The following SERTM1 variants were observed in gnomAD, a reference collection of about 807,000 sequenced individuals.
The protein encoded by SERTM1 is serine rich and transmembrane domain containing 1, also known as serine-rich and transmembrane domain-containing protein 1.
In SERTM1, 1 loss-of-function variant was observed where a neutral mutation model predicts 5.5. The ratio of observed to expected loss-of-function variants is 0.18; its 90% CI spans 0.06 to 0.86. SERTM1 has a LOEUF of 0.86. Ranked by LOEUF, SERTM1 falls within the 40% of genes least tolerant of loss-of-function variation. SERTM1 has a pLI of 0.69. For missense variants in SERTM1, 91 were observed against 122.4 expected (o/e 0.74, Z 1.21); for synonymous variants, 52 against 55.1 (o/e 0.94, Z 0.25).
chr13:36,689,410 C>T (rs1344775601), intron 1 of SERTM1, among the ~76,000 whole-genome samples: 2 of 151,416 alleles, frequency 1.3e-5, no homozygotes, highest in Non-Finnish European at 2.9e-5. Flanking sequence ...GAGGCTGAGG[C>T]GGGAGCATTG....
At chr13:36,679,253 C>T (rs1411450542) in intron 1 of SERTM1, among the ~76,000 whole-genome samples, 2 of 152,202 alleles carry the variant, frequency 1.3e-5, no homozygotes, top group Non-Finnish European at 2.9e-5. Context: ...TGCCACAGTG[C>T]ACAGTACCCT....
intron 1 of SERTM1, among the ~76,000 whole-genome samples, chr13:36,682,756 G>A (rs2056713530): frequency 6.6e-6 from 1 of 152,066 alleles, no homozygotes; most frequent in South Asian, 2.1e-4. Flanking sequence ...CACTGTAGCT[G>A]GCAACTATAC....
At chr13:36,678,435 T>A (rs982430043) in intron 1 of SERTM1, among the ~76,000 whole-genome samples, 1 of 151,764 alleles carries the variant, frequency 6.6e-6, no homozygotes, top group Admixed American at 6.6e-5. Context: ...TAGTCATAGA[T>A]GTTCAGCATC....
Position 36,695,217 on chromosome 13 carries a change from A to G in SERTM1, c.139A>G (p.Ile47Val). Reference sequence around the variant, plus strand: ...GTCAAACGTCTACATCTATGTGTCCATATTCCTCAGCCTTTTAGCGTTTCT... The same window carrying G: ...GTCAAACGTCTACATCTATGTGTCCGTATTCCTCAGCCTTTTAGCGTTTCT... ...HLSNVYIYVS[I>V]FLSLLAFLLL... Residue 47 changes from isoleucine (I) to valine (V), a missense_variant, in exon 2 of 2, where the codon ATA (isoleucine) becomes GTA (valine). Coordinates refer to ENST00000315190, the MANE Select transcript of SERTM1 (RefSeq NM_203451.3). The G allele has an allele frequency of 1.9e-6, 3 of 1,614,216 alleles. No individual in the cohort carries two copies.
At chr13:36,683,805 C>T (rs1035758740) in intron 1 of SERTM1, among the ~76,000 whole-genome samples, 19 of 152,136 alleles carry the variant, frequency 1.2e-4, no homozygotes, top group Admixed American at 1.1e-3. Context: ...TGAAATCCTA[C>T]GACAGGCCTA....
At chr13:36,690,963 T>C (rs569275773) in intron 1 of SERTM1, among the ~76,000 whole-genome samples, 75 of 152,230 alleles carry the variant, frequency 4.9e-4, no homozygotes, top group Non-Finnish European at 1.1e-3. Context: ...CAAAGCAGCT[T>C]GTCCCAGTTT....
intron 1 of SERTM1, among the ~76,000 whole-genome samples, 189 bp from the exon 2 acceptor site, chr13:36,694,717 A>G (rs1292353290): frequency 6.6e-6 from 1 of 152,244 alleles, no homozygotes; most frequent in Non-Finnish European, 1.5e-5. Context: ...GTAGACAGAA[A>G]ATAAACGTTC....
chr13:36,697,805 T>A lies in SERTM1; in HGVS notation c.*2403T>A, dbSNP rs1005737185. The A allele has an allele frequency of 1.2e-5, 2 of 167,060 alleles. No individual in the cohort carries two copies. The highest frequency in any genetic ancestry group is 4.8e-5 in the African/African-American group (2 of 41,442). The allele number at this position is 167,060 out of a possible 1,614,324, so 10.3% of individuals were successfully genotyped here. ...TAAGAAGTTCAGAAAGGTTGGAAGA[T>A]GGGTTTATAAATAAAGAAGTGGAGT... On this transcript the variant is annotated 3_prime_UTR_variant, in exon 2 of 2. Transcript: ENST00000315190.
chr13:36,695,084 T>C lies in SERTM1; in HGVS notation c.6T>C (p.Ser2=), dbSNP rs1025734977. 5.0e-6 allele frequency: 8 copies of C among 1,612,744 alleles called. No individual in the cohort carries two copies. Among genetic ancestry groups the C allele is most frequent in the Admixed American group, 1.7e-5 (1 of 59,878 alleles). The change falls in exon 2 of 2, where the codon TCT becomes TCC. Residue 2 remains serine, a synonymous_variant. Transcript: ENST00000315190. M[S]EPDTSSGFSG... is the part of the protein sequence containing the mutation. ...CTCCTTCACCCTCCATAAAGATGTC[T>C]GAACCTGACACTTCCTCAGGATTTT...
At chr13:36,694,649 G>A (rs1353760585) in intron 1 of SERTM1, among the ~76,000 whole-genome samples, 1 of 152,190 alleles carries the variant, frequency 6.6e-6, no homozygotes, top group Non-Finnish European at 1.5e-5. Flanking sequence ...CATCATAAAT[G>A]TATTTTCCCT....
rs1308222502 is a variant in SERTM1 at position 36,697,649 on chromosome 13, G to A, written c.*2247G>A. ...ACAAGCACACTCCCATTCCTCCCCT[G>A]CCGCAATGGTTCTTGCTCTCAATGT... On this transcript the variant is annotated 3_prime_UTR_variant, in exon 2 of 2. Coordinates refer to ENST00000315190, the MANE Select transcript of SERTM1 (RefSeq NM_203451.3). 6.0e-6 allele frequency: 1 copy of A among 167,006 alleles called. No homozygotes were observed. The highest frequency in any genetic ancestry group is 1.9e-4 in the East Asian group (1 of 5,186). The allele number at this position is 167,006 out of a possible 1,614,324, so 10.3% of individuals were successfully genotyped here.
intron 1 of SERTM1, among the ~76,000 whole-genome samples, chr13:36,679,258 T>A (rs547995271): frequency 1.1e-3 from 161 of 152,348 alleles, no homozygotes; most frequent in South Asian, 2.5e-3. Context: ...CAGTGCACAG[T>A]ACCCTTTTCA....
intron 1 of SERTM1, among the ~76,000 whole-genome samples, chr13:36,688,762 A>G (rs1346007244): frequency 6.6e-6 from 1 of 152,154 alleles, no homozygotes; most frequent in Non-Finnish European, 1.5e-5. Flanking sequence ...CCATTGATTC[A>G]TTATGATCTT....
At chr13:36,687,621 A>T (rs2056750387) in intron 1 of SERTM1, among the ~76,000 whole-genome samples, 1 of 152,096 alleles carries the variant, frequency 6.6e-6, no homozygotes. Context: ...GTTAGTTTAC[A>T]TTGCTCTCTT....
At chr13:36,688,762 A>T (rs1346007244) in intron 1 of SERTM1, among the ~76,000 whole-genome samples, 1 of 152,154 alleles carries the variant, frequency 6.6e-6, no homozygotes, top group Non-Finnish European at 1.5e-5. Context: ...CCATTGATTC[A>T]TTATGATCTT....
At position 36,695,485 on chromosome 13, in the gene SERTM1, GA is replaced by G; in HGVS notation, c.*86del. Reference sequence around the variant, plus strand: ...TCCCGTGAGGCATTGCCTCATGAAAGAAATGATCCTTTTGGTGTAGACCTGC... The same window carrying G: ...TCCCGTGAGGCATTGCCTCATGAAAGAATGATCCTTTTGGTGTAGACCTGC... On this transcript the variant is annotated 3_prime_UTR_variant, in exon 2 of 2. Coordinates refer to ENST00000315190, the MANE Select transcript of SERTM1 (RefSeq NM_203451.3). 2 of 978,458 alleles carry G rather than the reference GA, an allele frequency of 2.0e-6. No homozygotes were observed. Among genetic ancestry groups the G allele is most frequent in the Non-Finnish European group, 3.1e-6 (2 of 641,072 alleles). The allele number at this position is 978,458 out of a possible 1,614,324, so 60.6% of individuals were successfully genotyped here.
At chr13:36,694,282 C>CT (rs1199432170) in intron 1 of SERTM1, among the ~76,000 whole-genome samples, 2 of 152,176 alleles carry the variant, frequency 1.3e-5, no homozygotes, top group Non-Finnish European at 2.9e-5. Context: ...AGAATCTAAC[C>CT]TTTGTTCTTC....
At position 36,693,394 on chromosome 13, in the gene SERTM1, CTTTTT is replaced by C. The variant is rs569147311; in HGVS notation, c.-173-1502_-173-1498del. Reference sequence around the variant, plus strand: ...TCCCACTGCGATTCTTCTTCTTCTTCTTTTTTTTTTTTTTCCTTAAGGTTGGTTAG... The same window carrying C: ...TCCCACTGCGATTCTTCTTCTTCTTCTTTTTTTTTCCTTAAGGTTGGTTAG... On this transcript the variant is annotated intron_variant, in intron 1 of 1. Coordinates refer to ENST00000315190, the MANE Select transcript of SERTM1 (RefSeq NM_203451.3). Among the ~76,000 whole-genome samples the C allele has an allele frequency of 2.8e-5, 4 of 144,868 alleles. No individual in the cohort carries two copies. The East Asian group carries it at 8.0e-4, about 29-fold the overall frequency.
intron 1 of SERTM1, among the ~76,000 whole-genome samples, chr13:36,675,538 C>T (rs940183982): frequency 1.2e-4 from 18 of 152,306 alleles, no homozygotes; most frequent in African/African-American, 4.1e-4. Flanking sequence ...ATTTAATTTG[C>T]TGAATTATAC....
Sources: allele counts gnomAD v4.1 joint callset (sites outside exome capture counted in the v4.1 genomes callset), GRCh38; gene constraint gnomAD v4.1.1; transcripts MANE v1.5; gene names NCBI Gene and HGNC (gene_info 2026-07-23, HGNC 2026-07-21).